The following PRAC2 variants were observed in gnomAD, a reference collection of about 807,000 sequenced individuals.
PRAC2 encodes PRAC2 small nuclear protein.
For synonymous variants in PRAC2, 43 were observed against 49.5 expected (o/e 0.87, Z 0.55); for missense variants, 92 against 114.5 (o/e 0.80, Z 0.90).
chr17:48,723,468 G>A (rs985392898), intron 1 of PRAC2, among the ~76,000 whole-genome samples, 155 bp downstream of exon 1: 4 of 152,144 alleles, frequency 2.6e-5, no homozygotes, highest in African/African-American at 9.7e-5. Flanking sequence ...AAGGGGGGGA[G>A]GGGAGCTGCA....
chr17:48,720,329 T>C (rs2038132989), upstream of PRAC2, among the ~76,000 whole-genome samples: 2 of 152,192 alleles, frequency 1.3e-5, no homozygotes, highest in Non-Finnish European at 2.9e-5. Context: ...GGAGTAAGGA[T>C]CCGCACCGTC....
At position 48,724,449 on chromosome 17, in the gene PRAC2, C is replaced by G. The variant is rs1010498767; in HGVS notation, c.39C>G (p.Arg13=). The part of the protein sequence containing the change: ...RRRMALRPGS[R]RPTAFFFHSR... ...GGATGGCTCTGCGGCCTGGCTCCCG[C>G]AGACCGACCGCCTTCTTCTTCCATT... The change falls in exon 2 of 2, where the codon CGC becomes CGG. Residue 13 remains arginine (R), a synonymous_variant. Transcript: ENST00000422730. 2 of 1,234,294 alleles carry G rather than the reference C, an allele frequency of 1.6e-6. No homozygotes were observed. The highest frequency in any genetic ancestry group is 1.5e-5 in the African/African-American group (1 of 64,586). 76.5% of individuals were successfully genotyped at this position (1,234,294 alleles called of 1,614,324 possible).
chr17:48,719,258 TACTACC>T (rs2038123357), upstream of PRAC2, among the ~76,000 whole-genome samples: 1 of 145,490 alleles, frequency 6.9e-6, no homozygotes, highest in Non-Finnish European at 1.5e-5. Context: ...CACGCAGCAC[TACTACC>T]GTCTGAGCAG....
chr17:48,720,739 G>GC (rs1251560997), upstream of PRAC2, among the ~76,000 whole-genome samples: 1 of 152,154 alleles, frequency 6.6e-6, no homozygotes, highest in Non-Finnish European at 1.5e-5. Flanking sequence ...TCCCCTGTTT[G>GC]CATATATGCA....
chr17:48,719,205 GCACACAAACACA>G (rs1489086922), upstream of PRAC2, among the ~76,000 whole-genome samples: 12 of 117,718 alleles, frequency 1.0e-4, no homozygotes, highest in South Asian at 2.5e-3. Context: ...GCACGCGCTC[GCACACAAACACA>G]CACACACACA....
chr17:48,718,838 G>T (rs377643905), upstream of PRAC2, among the ~76,000 whole-genome samples: 42 of 152,298 alleles, frequency 2.8e-4, no homozygotes, highest in African/African-American at 9.4e-4. Context: ...TGGTGGGGAC[G>T]GGTAGGACAG....
At chr17:48,723,626 A>G (rs913353335) in intron 1 of PRAC2, 32 of 1,021,776 alleles carry the variant, frequency 3.1e-5, no homozygotes, top group Non-Finnish European at 3.8e-5. Flanking sequence ...GCCTGCAGGG[A>G]AGGCGGGGCG....
chr17:48,721,728 T>C, upstream of PRAC2: 1 of 1,344,454 alleles, frequency 7.4e-7, no homozygotes, highest in East Asian at 2.9e-5. Context: ...GTTTCCTTTT[T>C]TAAAAAAATT....
upstream of PRAC2, among the ~76,000 whole-genome samples, chr17:48,720,768 G>T (rs1014523441): frequency 2.0e-5 from 3 of 152,186 alleles, no homozygotes; most frequent in African/African-American, 7.2e-5. Context: ...CAGTGCCTGA[G>T]GAGGGGCTGG....
In PRAC2 at chr17:48,724,717, A is replaced by G. The variant is rs1406971230; in HGVS notation, c.*34A>G. ...CGGAAGGGGGCGCCCACGTCTTTTT[A>G]ATGGTCCTAACACACCAGTGGAATA... On this transcript the variant is annotated 3_prime_UTR_variant, in exon 2 of 2. Coordinates refer to ENST00000422730, the MANE Select transcript of PRAC2 (RefSeq NM_001282275.2). 2 of 1,119,604 alleles carry G rather than the reference A, an allele frequency of 1.8e-6. No individual in the cohort carries two copies. The highest frequency in any genetic ancestry group is 3.2e-5 in the African/African-American group (2 of 61,844). 69.4% of individuals were successfully genotyped at this position (1,119,604 alleles called of 1,614,324 possible).
chr17:48,722,536 G>C, upstream of PRAC2: 1 of 699,870 alleles, frequency 1.4e-6, no homozygotes. Context: ...CACAGCACTG[G>C]GTGCCCCTCT....
At chr17:48,721,424 C>T (rs1055891545), upstream of PRAC2, among the ~76,000 whole-genome samples, 3 of 152,200 alleles carry the variant, frequency 2.0e-5, no homozygotes, top group Admixed American at 6.5e-5. Flanking sequence ...CTCCCAGGTT[C>T]GAGCAATTCT....
intron 1 of PRAC2, chr17:48,723,653 C>A (rs1040903380): frequency 5.0e-6 from 6 of 1,191,356 alleles, no homozygotes; most frequent in Admixed American, 8.5e-5. Flanking sequence ...CGGCTGGCGG[C>A]GGCCTCGCAG....
upstream of PRAC2, among the ~76,000 whole-genome samples, chr17:48,719,717 A>C (rs2038126963): frequency 6.6e-6 from 1 of 152,250 alleles, no homozygotes; most frequent in African/African-American, 2.4e-5. Context: ...AGAAAAAGTT[A>C]CACCATGTCG....
intron 1 of PRAC2, chr17:48,723,635 C>A (rs2038170657): frequency 1.6e-5 from 18 of 1,096,312 alleles, no homozygotes; most frequent in Non-Finnish European, 2.0e-5. Context: ...GAAGGCGGGG[C>A]GGATTCTCGG....
chr17:48,722,312 G>A (rs1277482585), upstream of PRAC2: 3 of 1,612,282 alleles, frequency 1.9e-6, no homozygotes, highest in South Asian at 1.1e-5. Context: ...CCACCGATCA[G>A]TTTACCTTAT....
upstream of PRAC2, among the ~76,000 whole-genome samples, chr17:48,719,272 C>T (rs939231194): frequency 3.3e-5 from 5 of 152,118 alleles, no homozygotes; most frequent in Non-Finnish European, 5.9e-5. Flanking sequence ...ACCGTCTGAG[C>T]AGGCCGCTCC....
upstream of PRAC2, chr17:48,722,168 T>A: frequency 6.9e-6 from 5 of 723,454 alleles, no homozygotes; most frequent in South Asian, 7.4e-5. Flanking sequence ...CCAGGTGGTA[T>A]CGGTGAAAGC....
At chr17:48,720,224 G>A (rs573326953), upstream of PRAC2, among the ~76,000 whole-genome samples, 3 of 152,238 alleles carry the variant, frequency 2.0e-5, no homozygotes, top group Non-Finnish European at 4.4e-5. Flanking sequence ...CTCTGAGTGG[G>A]CAAGGGGACG....
Sources: allele counts gnomAD v4.1 joint callset (sites outside exome capture counted in the v4.1 genomes callset), GRCh38; gene constraint gnomAD v4.1.1; transcripts MANE v1.5; gene names NCBI Gene and HGNC (gene_info 2026-07-23, HGNC 2026-07-21).